Variants in SH3RF3 observed in about 807,000 individuals in gnomAD.
SH3RF3 encodes SH3 domain containing ring finger 3.
In SH3RF3, 29 loss-of-function variants were observed where a neutral mutation model predicts 66.3. The observed-to-expected ratio is 0.44, with a 90% CI of 0.33 to 0.60. SH3RF3 has a LOEUF of 0.60. Among genes scored for constraint, SH3RF3 ranks in the 20% least tolerant of loss-of-function variants. The pLI, the probability that SH3RF3 is intolerant of heterozygous loss-of-function variation, is 0.04. For missense variants in SH3RF3, 1,194 were observed against 1,190.9 expected, an observed-to-expected ratio of 1.00 and a Z score of -0.04; for synonymous variants, 583 against 532.0, an observed-to-expected ratio of 1.10 and a Z score of -1.32.
intron 8 of SH3RF3, among the ~76,000 whole-genome samples, chr2:109,479,990 C>G (rs1230424581): frequency 6.6e-6 from 1 of 152,172 alleles, no homozygotes; most frequent in Non-Finnish European, 1.5e-5. Flanking sequence ...TCCCCTGAGG[C>G]CACGCGTCAT....
At chr2:109,446,772 TTC>T (rs1208752135) in intron 7 of SH3RF3, among the ~76,000 whole-genome samples, 1 of 45,806 alleles carries the variant, frequency 2.2e-5, no homozygotes, top group Non-Finnish European at 7.2e-5. Flanking sequence ...ACTCCCTCTC[TTC>T]TTTGGTGCCT....
intron 1 of SH3RF3, among the ~76,000 whole-genome samples, chr2:109,316,123 A>G (rs1681874308): frequency 6.6e-6 from 1 of 152,200 alleles, no homozygotes; most frequent in Admixed American, 6.5e-5. Context: ...AAAGCTTTCA[A>G]AAAGAGAGGG....
At chr2:109,353,314 C>T (rs1000535548) in intron 2 of SH3RF3, among the ~76,000 whole-genome samples, 5 of 152,228 alleles carry the variant, frequency 3.3e-5, no homozygotes, top group African/African-American at 1.2e-4. Context: ...CCTGGGTGCC[C>T]CCACACATTT....
chr2:109,129,405 A>G lies in SH3RF3; in HGVS notation c.-136A>G, dbSNP rs1455893330. On this transcript the variant is annotated 5_prime_UTR_variant, in exon 1 of 10. Transcript: ENST00000309415. ...CACTTCGCACCGCCACAGCCCTAGC[A>G]TCGGGCCACCAGCCGGGGTGAAGAA... The G allele has an allele frequency of 7.1e-7, 1 of 1,418,396 alleles. No individual in the cohort carries two copies. Among genetic ancestry groups the G allele is most frequent in the South Asian group, 1.3e-5 (1 of 79,062 alleles). 87.9% of individuals were successfully genotyped at this position (1,418,396 alleles called of 1,614,324 possible).
At chr2:109,459,892 C>T (rs1232335377) in intron 8 of SH3RF3, among the ~76,000 whole-genome samples, 2 of 152,172 alleles carry the variant, frequency 1.3e-5, no homozygotes, top group Non-Finnish European at 2.9e-5. Flanking sequence ...GATTCCTGGG[C>T]CCATGAGTCC....
rs1003779261 is a variant in SH3RF3, at chr2:109,371,784, A to C, written c.945+103A>C. 1.3e-5 allele frequency: 12 copies of C among 950,958 alleles called. No individual in the cohort carries two copies. In the African/African-American group the frequency reaches 1.9e-4, roughly 15 times the overall value. The allele number at this position is 950,958 out of a possible 1,614,324, so 58.9% of individuals were successfully genotyped here. ...CAAGCCCCTTTTCTAAGAGAGAAAG[A>C]GGATCCTCCACAATAGCCTCTGGCC... On this transcript the variant is annotated intron_variant, in intron 3 of 9. Transcript: ENST00000309415.
chr2:109,386,541 C>A (rs1052925548), intron 3 of SH3RF3, among the ~76,000 whole-genome samples: 1 of 152,354 alleles, frequency 6.6e-6, no homozygotes, highest in African/African-American at 2.4e-5. Flanking sequence ...GGATCTTGGG[C>A]CTTGGTTTGC....
At chr2:109,335,967 CTG>C (rs1460482183) in intron 1 of SH3RF3, among the ~76,000 whole-genome samples, 1 of 152,138 alleles carries the variant, frequency 6.6e-6, no homozygotes, top group Non-Finnish European at 1.5e-5. Context: ...GTCGGTGAGA[CTG>C]ATAGCACGAT....
chr2:109,143,920 C>T (rs904792744), intron 1 of SH3RF3, among the ~76,000 whole-genome samples: 10 of 152,048 alleles, frequency 6.6e-5, no homozygotes, highest in Non-Finnish European at 1.0e-4. Flanking sequence ...GCCTAGAGGA[C>T]GTTATGCGAA....
At chr2:109,470,027 C>T (rs1004301796) in intron 8 of SH3RF3, among the ~76,000 whole-genome samples, 10 of 152,190 alleles carry the variant, frequency 6.6e-5, no homozygotes, top group African/African-American at 2.4e-4. Flanking sequence ...TCATTTCACT[C>T]TTCGTGCGTC....
chr2:109,150,037 G>A (rs1677193797), intron 1 of SH3RF3, among the ~76,000 whole-genome samples: 1 of 152,172 alleles, frequency 6.6e-6, no homozygotes, highest in African/African-American at 2.4e-5. Flanking sequence ...GATGGGTCTG[G>A]GTGCAGCCTG....
At chr2:109,477,334 A>G (rs978279865) in intron 8 of SH3RF3, among the ~76,000 whole-genome samples, 1 of 152,106 alleles carries the variant, frequency 6.6e-6, no homozygotes, top group Non-Finnish European at 1.5e-5. Context: ...CCTGCCCTCC[A>G]TGAAAAAAGT....
intron 1 of SH3RF3, among the ~76,000 whole-genome samples, chr2:109,229,108 A>G (rs1040993780): frequency 1.3e-5 from 2 of 152,092 alleles, no homozygotes; most frequent in African/African-American, 4.8e-5. Context: ...TATCAGAACA[A>G]AAGATACTCC....
At chr2:109,317,075 G>A (rs954857200) in intron 1 of SH3RF3, among the ~76,000 whole-genome samples, 5 of 152,024 alleles carry the variant, frequency 3.3e-5, no homozygotes, top group East Asian at 1.9e-4. Flanking sequence ...GGTGGCTTCC[G>A]CATTCTGGCA....
chr2:109,394,795 A>T (rs916257513), intron 3 of SH3RF3, among the ~76,000 whole-genome samples: 2 of 152,222 alleles, frequency 1.3e-5, no homozygotes, highest in Non-Finnish European at 2.9e-5. Flanking sequence ...AATCCACACC[A>T]CATGGGAGGG....
intron 8 of SH3RF3, among the ~76,000 whole-genome samples, chr2:109,477,646 G>C (rs1678721598): frequency 6.6e-6 from 1 of 151,822 alleles, no homozygotes; most frequent in Non-Finnish European, 1.5e-5. Flanking sequence ...GTGTGTGTTG[G>C]TGAGGGGTGT....
intron 8 of SH3RF3, among the ~76,000 whole-genome samples, chr2:109,474,540 C>G (rs1364984494): frequency 6.6e-6 from 1 of 152,194 alleles, no homozygotes; most frequent in Non-Finnish European, 1.5e-5. Context: ...GCTGGGATTA[C>G]AGTCCGAACC....
intron 5 of SH3RF3, among the ~76,000 whole-genome samples, chr2:109,426,464 G>A (rs958907924): frequency 3.3e-5 from 5 of 152,190 alleles, no homozygotes; most frequent in African/African-American, 1.2e-4. Context: ...GGTAGAAACA[G>A]CAAGAGAACT....
intron 9 of SH3RF3, among the ~76,000 whole-genome samples, chr2:109,497,388 A>G (rs1679283303): frequency 6.6e-6 from 1 of 152,228 alleles, no homozygotes; most frequent in African/African-American, 2.4e-5. Context: ...ACGACCCCCA[A>G]GGAAAGCAGA....
Sources: allele counts gnomAD v4.1 joint callset (sites outside exome capture counted in the v4.1 genomes callset), GRCh38; gene constraint gnomAD v4.1.1; transcripts MANE v1.5; gene names NCBI Gene and HGNC (gene_info 2026-07-23, HGNC 2026-07-21).